Variants in HECTD4 observed in about 807,000 individuals in gnomAD.
The protein encoded by HECTD4 is probable E3 ubiquitin-protein ligase HECTD4.
In HECTD4, 114 loss-of-function variants were observed where a neutral mutation model predicts 471.5. The observed-to-expected ratio is 0.24, with a 90% CI of 0.21 to 0.28. HECTD4 has a LOEUF of 0.28. HECTD4 is among the 10% of genes least tolerant of loss of function. The pLI, the probability that HECTD4 is intolerant of heterozygous loss-of-function variation, is 1.00. For missense variants in HECTD4, 3,866 were observed against 5,651.5 expected (o/e 0.68, Z 10.13); for synonymous variants, 2,012 against 2,256.0 (o/e 0.89, Z 3.07).
chr12:112,351,030 G>A (rs370875768), intron 1 of HECTD4, among the ~76,000 whole-genome samples: 3 of 152,298 alleles, frequency 2.0e-5, no homozygotes, highest in South Asian at 4.1e-4. Flanking sequence ...TTCAAAATGT[G>A]TGGTCAGCTT....
intron 45 of HECTD4, among the ~76,000 whole-genome samples, chr12:112,218,649 G>A (rs1197327135): frequency 6.6e-6 from 1 of 152,062 alleles, no homozygotes; most frequent in East Asian, 1.9e-4. Context: ...TTATTCATCA[G>A]TTGATGTATA....
rs1320464687 is a variant in HECTD4 at position 112,270,421 on chromosome 12, A to G, written c.1981T>C (p.Leu661=). ...ATGCACATCGCACCAACGTGGTGCA[A>G]TAATTGGTTTATAACCTCATTCGTG... is the stretch of plus-strand genomic sequence containing the variant. The part of the protein sequence containing the change: ...ITTNEVINQL[L]HHVGAMCIHQ... Residue 661 remains leucine, a synonymous_variant, in exon 12 of 76, where the codon TTG becomes CTG. Coordinates refer to ENST00000682272, the MANE Select transcript of HECTD4 (RefSeq NM_001388303.1). 14 of 1,613,908 alleles carry G rather than the reference A, an allele frequency of 8.7e-6. No homozygotes were observed. The highest frequency in any genetic ancestry group is 1.2e-5 in the Non-Finnish European group (14 of 1,179,896).
At chr12:112,191,592 G>A (rs540051742) in intron 59 of HECTD4, among the ~76,000 whole-genome samples, 19 of 152,246 alleles carry the variant, frequency 1.2e-4, no homozygotes, top group Admixed American at 1.2e-3. Context: ...GGCATCAGAG[G>A]GCTTTGGACA....
chr12:112,200,735 A>G lies in HECTD4; in HGVS notation c.8470T>C (p.Tyr2824His). Reference sequence around the variant, plus strand: ...GGCCTTTCCAACATGTCAATAGGATACCAGTATCGCACCAGCACACCTTCA... The same window carrying G: ...GGCCTTTCCAACATGTCAATAGGATGCCAGTATCGCACCAGCACACCTTCA... Reference protein sequence around the residue: ...RSEGVLVRYWYPIDMLERPPA... With the variant: ...RSEGVLVRYWHPIDMLERPPA... The change falls in exon 55 of 76, where the codon TAT (tyrosine) becomes CAT (histidine). Residue 2824 changes from tyrosine to histidine, a missense_variant. Around this residue, in one of 16 missense-constraint regions of HECTD4, gnomAD observed 266 missense variants for 441.6 expected, o/e 0.60. Transcript: ENST00000682272. 1 of 1,613,928 alleles carries G rather than the reference A, an allele frequency of 6.2e-7. No individual in the cohort carries two copies. The highest frequency in any genetic ancestry group is 8.5e-7 in the Non-Finnish European group (1 of 1,179,858).
intron 54 of HECTD4, 74 bp from the exon 55 acceptor site, chr12:112,200,872 T>C (rs189572937): frequency 7.7e-4 from 976 of 1,263,998 alleles, no homozygotes; most frequent in East Asian, 1.2e-3. Flanking sequence ...TGCGTGTGTG[T>C]GTGCGTGCGT....
chr12:112,340,264 G>C (rs1303983407), intron 1 of HECTD4, among the ~76,000 whole-genome samples: 1 of 152,338 alleles, frequency 6.6e-6, no homozygotes, highest in East Asian at 1.9e-4. Context: ...CTCTAGAGAT[G>C]TGGCTCTATC....
chr12:112,276,263 T>G (rs1210360988), intron 9 of HECTD4, among the ~76,000 whole-genome samples: 3 of 152,076 alleles, frequency 2.0e-5, no homozygotes, highest in Non-Finnish European at 2.9e-5. Flanking sequence ...CATGAAAGAA[T>G]GGTACCATGA....
chr12:112,304,001 A>G (rs1165516378), intron 7 of HECTD4, among the ~76,000 whole-genome samples: 4 of 152,084 alleles, frequency 2.6e-5, no homozygotes, highest in Admixed American at 6.5e-5. Flanking sequence ...AAATAGCAAT[A>G]TAAGCGTTTT....
At position 112,267,703 on chromosome 12, in the gene HECTD4, G is replaced by C. The variant is rs560525014; in HGVS notation, c.2322-721C>G. On this transcript the variant is annotated intron_variant, in intron 13 of 75. Coordinates refer to ENST00000682272, the MANE Select transcript of HECTD4 (RefSeq NM_001388303.1). ...TGTGCCTCCCCAAAAAAACACTTGA[G>C]AAAGTAAATTTCTAATTCTCAGCTT... 5.3e-5 allele frequency among the ~76,000 whole-genome samples: 8 copies of C among 152,294 alleles called. No individual in the cohort carries two copies. In the South Asian group the frequency reaches 1.7e-3, roughly 32 times the overall value.
At chr12:112,172,579 G>T in intron 67 of HECTD4, 92 bp downstream of exon 67, 2 of 1,280,406 alleles carry the variant, frequency 1.6e-6, no homozygotes, top group Non-Finnish European at 2.2e-6. Context: ...TTCGATGGAC[G>T]TCTAAATGAA....
At chr12:112,261,135 T>C (rs1293186589) in intron 18 of HECTD4, among the ~76,000 whole-genome samples, 170 bp downstream of exon 18, 1 of 152,216 alleles carries the variant, frequency 6.6e-6, no homozygotes, top group African/African-American at 2.4e-5. Flanking sequence ...TGAAAGCACA[T>C]GAAAGAGTGT....
chr12:112,293,226 T>C (rs1466581023), intron 7 of HECTD4, among the ~76,000 whole-genome samples: 1 of 145,132 alleles, frequency 6.9e-6, no homozygotes, highest in East Asian at 2.1e-4. Context: ...ATTAGCTGGG[T>C]GTGGTGGTGG....
At chr12:112,230,889 C>T in intron 39 of HECTD4, 67 bp from the exon 40 acceptor site, 2 of 1,469,610 alleles carry the variant, frequency 1.4e-6, no homozygotes, top group South Asian at 2.6e-5. Context: ...AAGTGGCTTT[C>T]AGGGTTAGCA....
intron 7 of HECTD4, among the ~76,000 whole-genome samples, chr12:112,294,724 A>T (rs1235690666): frequency 6.6e-6 from 1 of 152,154 alleles, no homozygotes; most frequent in East Asian, 1.9e-4. Context: ...TTATACATTC[A>T]AAAGGCCTCT....
At chr12:112,253,970 G>A in intron 22 of HECTD4, 73 bp downstream of exon 22, 1 of 1,533,106 alleles carries the variant, frequency 6.5e-7, no homozygotes, top group East Asian at 2.3e-5. Context: ...TGGGATTACA[G>A]TTAGTACTTG....
At chr12:112,322,747 C>T (rs766942630) in intron 1 of HECTD4, 1 of 152,914 alleles carries the variant, frequency 6.5e-6, no homozygotes, top group Admixed American at 6.5e-5. Flanking sequence ...TCAAGACAAC[C>T]ACCAAAGGTG....
intron 1 of HECTD4, among the ~76,000 whole-genome samples, chr12:112,371,603 C>T (rs1332480064): frequency 1.3e-5 from 2 of 150,504 alleles, no homozygotes; most frequent in Non-Finnish European, 3.0e-5. Context: ...AAAGAAAATT[C>T]CAGCCAGGTA....
At chr12:112,165,856 A>G (rs1454948271) in intron 72 of HECTD4, among the ~76,000 whole-genome samples, 1 of 152,182 alleles carries the variant, frequency 6.6e-6, no homozygotes, top group African/African-American at 2.4e-5. Context: ...ACAGGGTCGG[A>G]CCCAAAGGAG....
At chr12:112,205,533 A>G (rs934972160) in intron 52 of HECTD4, among the ~76,000 whole-genome samples, 1 of 152,232 alleles carries the variant, frequency 6.6e-6, no homozygotes, top group Non-Finnish European at 1.5e-5. Context: ...CGTTAACTCA[A>G]AATAACAAAT....
Sources: allele counts gnomAD v4.1 joint callset (sites outside exome capture counted in the v4.1 genomes callset), GRCh38; gene constraint gnomAD v4.1.1; regional missense constraint gnomAD v4.1.1; transcripts MANE v1.5; gene names NCBI Gene and HGNC (gene_info 2026-07-23, HGNC 2026-07-21).